The following TBC1D4 variants were observed in gnomAD, a reference collection of about 807,000 sequenced individuals.
TBC1D4 encodes TBC (Tre-2, BUB2, CDC16) domain-containing protein.
In TBC1D4, 121 loss-of-function variants were observed where a neutral mutation model predicts 142.5. The observed-to-expected ratio is 0.85, with a 90% confidence interval of 0.73 to 0.99. The LOEUF is 0.99. Ranked by LOEUF, TBC1D4 falls within the 50% of genes least tolerant of loss-of-function variation. The probability of loss-of-function intolerance (pLI) is 0.00; values close to 1 mark genes in which losing one functional copy is unlikely to be tolerated. For missense variants in TBC1D4, 1,475 were observed against 1,606.6 expected (o/e 0.92, Z 1.40); for synonymous variants, 630 against 628.2 (o/e 1.00, Z -0.04).
chr13:75,410,606 C>T (rs1433170766), intron 1 of TBC1D4, among the ~76,000 whole-genome samples: 2 of 152,128 alleles, frequency 1.3e-5, no homozygotes, highest in Non-Finnish European at 2.9e-5. Flanking sequence ...AGAAATACCA[C>T]GTGGACATTA....
chr13:75,460,290 G>GT (rs1299484728), intron 1 of TBC1D4, among the ~76,000 whole-genome samples: 1 of 152,142 alleles, frequency 6.6e-6, no homozygotes, highest in Non-Finnish European at 1.5e-5. Context: ...AAAATACTCT[G>GT]TAACTGCCTC....
At chr13:75,459,752 C>T (rs1238988132) in intron 1 of TBC1D4, among the ~76,000 whole-genome samples, 2 of 152,086 alleles carry the variant, frequency 1.3e-5, no homozygotes, top group Non-Finnish European at 2.9e-5. Context: ...CTTCTTATAA[C>T]CCTGGACACA....
chr13:75,305,056 G>A (rs1877029152), intron 15 of TBC1D4, among the ~76,000 whole-genome samples: 1 of 152,074 alleles, frequency 6.6e-6, no homozygotes, highest in Admixed American at 6.5e-5. Context: ...GAATCATGGG[G>A]GCAGTTTCCC....
intron 1 of TBC1D4, among the ~76,000 whole-genome samples, chr13:75,405,103 G>T (rs1010337483): frequency 6.6e-6 from 1 of 152,140 alleles, no homozygotes; most frequent in Non-Finnish European, 1.5e-5. Context: ...CAAAAAGGGA[G>T]AATACAGCTC....
At chr13:75,400,641 T>TTTC (rs1432788789) in intron 1 of TBC1D4, among the ~76,000 whole-genome samples, 2 of 150,754 alleles carry the variant, frequency 1.3e-5, no homozygotes, top group East Asian at 1.9e-4. Flanking sequence ...GTATTTTTTT[T>TTTC]TTTTTAGTAG....
chr13:75,331,813 G>A, intron 8 of TBC1D4, among the ~76,000 whole-genome samples: 1 of 144,608 alleles, frequency 6.9e-6, no homozygotes, highest in South Asian at 2.2e-4. Context: ...TCCAAAACTG[G>A]AGTGTGAATT....
intron 1 of TBC1D4, among the ~76,000 whole-genome samples, chr13:75,473,358 T>C (rs546655623): frequency 3.3e-5 from 5 of 152,218 alleles, no homozygotes; most frequent in East Asian, 1.9e-4. Context: ...AATTGTAAGA[T>C]ACAAAAGAAG....
At chr13:75,304,457 A>G (rs1876944185) in intron 15 of TBC1D4, among the ~76,000 whole-genome samples, 1 of 152,200 alleles carries the variant, frequency 6.6e-6, no homozygotes, top group Non-Finnish European at 1.5e-5. Context: ...ATACTGTCTT[A>G]GGTGCTAGGT....
At chr13:75,391,390 G>T (rs1884481321) in intron 1 of TBC1D4, among the ~76,000 whole-genome samples, 1 of 152,040 alleles carries the variant, frequency 6.6e-6, no homozygotes, top group South Asian at 2.1e-4. Context: ...TATAACATCA[G>T]GCAATTACTC....
At chr13:75,455,297 G>C (rs1887684739) in intron 1 of TBC1D4, among the ~76,000 whole-genome samples, 1 of 152,110 alleles carries the variant, frequency 6.6e-6, no homozygotes, top group African/African-American at 2.4e-5. Flanking sequence ...TCTCTGTCCT[G>C]AATTGAACCC....
intron 1 of TBC1D4, among the ~76,000 whole-genome samples, chr13:75,385,081 G>A (rs1884090826): frequency 6.6e-6 from 1 of 152,174 alleles, no homozygotes. Flanking sequence ...CTGCTCAGCA[G>A]CCTGGGAGGC....
intron 1 of TBC1D4, among the ~76,000 whole-genome samples, chr13:75,464,338 G>A (rs1203485036): frequency 6.6e-6 from 1 of 152,150 alleles, no homozygotes; most frequent in East Asian, 1.9e-4. Flanking sequence ...GCCCATGCTG[G>A]GTGGAAAACC....
intron 1 of TBC1D4, among the ~76,000 whole-genome samples, chr13:75,393,978 G>A (rs1884637714): frequency 6.6e-6 from 1 of 151,390 alleles, no homozygotes; most frequent in Non-Finnish European, 1.5e-5. Flanking sequence ...GAGTAATACA[G>A]ATATTTATTT....
chr13:75,336,990 G>C lies in TBC1D4; in HGVS notation c.1662C>G (p.Phe554Leu), dbSNP rs780259708. The change falls in exon 8 of 21, where the codon TTC (phenylalanine) becomes TTG (leucine). Residue 554 changes from phenylalanine (F) to leucine (L), a missense_variant. By Grantham distance (22) the Phe-to-Leu change is conservative (BLOSUM62 0). Transcript: ENST00000377636. ...CTTTATTTTTCAGAATGTCAAGTTT[G>C]AACCTTCCACTGCTTGTTGCATTTT... ...IPENATSSGR[F>L]KLDILKNKAK... 6 of 1,613,182 alleles carry C rather than the reference G, an allele frequency of 3.7e-6. No homozygotes were observed. Among genetic ancestry groups the C allele is most frequent in the Admixed American group, 1.7e-5 (1 of 59,972 alleles).
At chr13:75,289,614 A>G (rs376142850) in intron 19 of TBC1D4, among the ~76,000 whole-genome samples, 2 of 152,206 alleles carry the variant, frequency 1.3e-5, no homozygotes, top group South Asian at 4.1e-4. Flanking sequence ...TGGAGCAGAA[A>G]GATCTTAATA....
intron 8 of TBC1D4, among the ~76,000 whole-genome samples, chr13:75,335,330 C>T (rs750361527): frequency 2.0e-5 from 3 of 152,170 alleles, no homozygotes; most frequent in Admixed American, 6.5e-5. Flanking sequence ...AGAACACCCA[C>T]GTAGCTTGAC....
intron 1 of TBC1D4, among the ~76,000 whole-genome samples, chr13:75,444,534 A>C (rs1400748377): frequency 6.6e-6 from 1 of 152,210 alleles, no homozygotes; most frequent in Non-Finnish European, 1.5e-5. Context: ...TAATAATTTC[A>C]CATTATAAAT....
intron 1 of TBC1D4, among the ~76,000 whole-genome samples, chr13:75,410,015 T>C (rs2138391711): frequency 6.6e-6 from 1 of 152,334 alleles, no homozygotes; most frequent in South Asian, 2.1e-4. Context: ...TTGTTTATCT[T>C]AACCAAATTT....
At chr13:75,321,688 C>T (rs1322477048) in intron 11 of TBC1D4, among the ~76,000 whole-genome samples, 1 of 152,060 alleles carries the variant, frequency 6.6e-6, no homozygotes. Flanking sequence ...AATTTTACTA[C>T]CGTGTAGATA....
Sources: allele counts gnomAD v4.1 joint callset (sites outside exome capture counted in the v4.1 genomes callset), GRCh38; gene constraint gnomAD v4.1.1; transcripts MANE v1.5; gene names NCBI Gene and HGNC (gene_info 2026-07-23, HGNC 2026-07-21).